Variants in MLLT10 observed in about 807,000 individuals in gnomAD.
MLLT10 encodes the protein protein AF-10.
A neutral mutation model predicts 129.1 loss-of-function variants in MLLT10; 30 were observed. The observed-to-expected ratio is 0.23, with a 90% CI of 0.17 to 0.32. MLLT10 has a LOEUF of 0.32. Among genes scored for constraint, MLLT10 ranks in the 10% least tolerant of loss-of-function variants. MLLT10 has a pLI of 1.00. For synonymous variants in MLLT10, 490 were observed against 446.4 expected, an observed-to-expected ratio of 1.10 and a Z score of -1.23; for missense variants, 1,119 against 1,268.3, an observed-to-expected ratio of 0.88 and a Z score of 1.79.
At chr10:21,590,710 A>T (rs990177568) in intron 4 of MLLT10, among the ~76,000 whole-genome samples, 1 of 152,044 alleles carries the variant, frequency 6.6e-6, no homozygotes, top group Non-Finnish European at 1.5e-5. Flanking sequence ...GTTATTCCTG[A>T]TGTTGGTGAC....
At chr10:21,595,621 A>T (rs1250189507) in intron 5 of MLLT10, 181 bp downstream of exon 5, 4 of 483,924 alleles carry the variant, frequency 8.3e-6, no homozygotes, top group African/African-American at 5.7e-5. Context: ...CAGGAGTACA[A>T]AGCAAGCAAA....
chr10:21,619,001 C>T (rs1327178343), intron 8 of MLLT10, among the ~76,000 whole-genome samples: 2 of 150,620 alleles, frequency 1.3e-5, no homozygotes, highest in African/African-American at 4.9e-5. Context: ...GCTGTGATTA[C>T]AGGCGTGAGC....
At chr10:21,546,298 G>A (rs910091097) in intron 3 of MLLT10, among the ~76,000 whole-genome samples, 3 of 152,026 alleles carry the variant, frequency 2.0e-5, no homozygotes, top group African/African-American at 7.3e-5. Flanking sequence ...GGCTGGTCTT[G>A]AACTCCTGGG....
intron 3 of MLLT10, among the ~76,000 whole-genome samples, chr10:21,540,358 C>T (rs888669644): frequency 1.3e-5 from 2 of 151,700 alleles, no homozygotes; most frequent in Admixed American, 6.6e-5. Context: ...CCACTGCACT[C>T]CAGCCTGCAC....
In MLLT10 at chr10:21,616,789, G is replaced by A. The variant is rs1019265023; in HGVS notation, c.604-323G>A. Among the ~76,000 whole-genome samples, 7 of 151,384 alleles carry A rather than the reference G, an allele frequency of 4.6e-5. No homozygotes were observed. The East Asian group carries it at 1.2e-3, about 25-fold the overall frequency. ...TAGTCTTGGCACCCTTTTTTAATACGGCATTTTCTCTTTGTATTGAAACTT... is the reference window on the plus strand; with the variant it reads ...TAGTCTTGGCACCCTTTTTTAATACAGCATTTTCTCTTTGTATTGAAACTT... On this transcript the variant is annotated intron_variant, in intron 7 of 22. Transcript: ENST00000307729.
Position 21,742,538 on chromosome 10 carries a change from T to G in MLLT10, c.*555T>G, listed in dbSNP as rs1833808958. On this transcript the variant is annotated 3_prime_UTR_variant, in exon 23 of 23. Coordinates refer to ENST00000307729, the MANE Select transcript of MLLT10 (RefSeq NM_001195626.3). ...TGGCAATCTTTGTTAAAAAAAAATT[T>G]CCTTTCTAATGGGATTTGGCCAATT... The G allele has an allele frequency of 9.2e-6, 2 of 216,234 alleles. No individual in the cohort carries two copies. Among genetic ancestry groups the G allele is most frequent in the African/African-American group, 2.2e-5 (1 of 44,538 alleles). The allele number at this position is 216,234 out of a possible 1,614,324, so 13.4% of individuals were successfully genotyped here.
At chr10:21,589,902 TCCCTTCCCCTTC>T (rs71393911) in intron 4 of MLLT10, among the ~76,000 whole-genome samples, 1 of 151,554 alleles carries the variant, frequency 6.6e-6, no homozygotes, top group African/African-American at 2.4e-5. Context: ...CCTTTCCCTT[TCCCTTCCCCTTC>T]CCCTTCCCCT....
intron 13 of MLLT10, among the ~76,000 whole-genome samples, chr10:21,702,693 G>GT (rs963554725): frequency 1.8e-4 from 27 of 149,004 alleles, no homozygotes; most frequent in East Asian, 3.9e-4. Context: ...CTTTTTTACA[G>GT]TTTTTTTTTT....
intron 8 of MLLT10, among the ~76,000 whole-genome samples, chr10:21,643,780 A>AT (rs1042887532): frequency 6.8e-4 from 103 of 150,906 alleles, no homozygotes; most frequent in African/African-American, 2.4e-3. Flanking sequence ...ATTGTTCAGA[A>AT]TTTTTTTTTT....
chr10:21,735,550 A>G (rs755712942), intron 21 of MLLT10, among the ~76,000 whole-genome samples: 2 of 152,126 alleles, frequency 1.3e-5, no homozygotes, highest in Non-Finnish European at 2.9e-5. Flanking sequence ...TTTGGTTGTG[A>G]TAAATACTGA....
chr10:21,703,052 T>G (rs2055080632), intron 13 of MLLT10, among the ~76,000 whole-genome samples: 1 of 152,146 alleles, frequency 6.6e-6, no homozygotes, highest in Non-Finnish European at 1.5e-5. Flanking sequence ...TTGAGTCCTT[T>G]CTCTTTCTTC....
chr10:21,740,640 C>T (rs2058750168), intron 22 of MLLT10, among the ~76,000 whole-genome samples: 2 of 152,158 alleles, frequency 1.3e-5, no homozygotes, highest in Non-Finnish European at 2.9e-5. Context: ...TGAATATATA[C>T]ATTTTAGGGC....
At chr10:21,732,426 G>T (rs1001122456) in intron 17 of MLLT10, among the ~76,000 whole-genome samples, 1 of 152,158 alleles carries the variant, frequency 6.6e-6, no homozygotes, top group African/African-American at 2.4e-5. Context: ...CCTGCCAGGC[G>T]TCTGATGGCA....
intron 9 of MLLT10, among the ~76,000 whole-genome samples, chr10:21,661,100 T>C (rs1356884871): frequency 6.6e-6 from 1 of 152,202 alleles, no homozygotes; most frequent in Non-Finnish European, 1.5e-5. Context: ...TTTGGATTTA[T>C]GGCCACCTTT....
intron 13 of MLLT10, among the ~76,000 whole-genome samples, chr10:21,701,468 GTGT>G (rs2054906669): frequency 6.6e-6 from 1 of 151,612 alleles, no homozygotes; most frequent in Non-Finnish European, 1.5e-5. Flanking sequence ...AAACTTTTTA[GTGT>G]TGTTTTTGCT....
At chr10:21,617,483 T>TAA (rs2045377642) in intron 8 of MLLT10, among the ~76,000 whole-genome samples, 1 of 152,196 alleles carries the variant, frequency 6.6e-6, no homozygotes, top group Non-Finnish European at 1.5e-5. Flanking sequence ...GCGAAATCTT[T>TAA]AGGTGACTTC....
intron 3 of MLLT10, among the ~76,000 whole-genome samples, chr10:21,564,079 C>T (rs1395884905): frequency 9.2e-5 from 14 of 152,008 alleles, no homozygotes; most frequent in Admixed American, 2.0e-4. Context: ...CCCAAAGTGC[C>T]GGGATTACAG....
chr10:21,628,789 C>T (rs976497365), intron 8 of MLLT10, among the ~76,000 whole-genome samples: 7 of 146,918 alleles, frequency 4.8e-5, no homozygotes, highest in Admixed American at 2.1e-4. Flanking sequence ...CTCTGTCTCC[C>T]AGGCTGGAGT....
chr10:21,595,274 G>A (rs748067301), intron 4 of MLLT10, 57 bp from the exon 5 acceptor site: 58 of 1,275,152 alleles, frequency 4.5e-5, no homozygotes, highest in Non-Finnish European at 6.0e-5. Context: ...GGAAGTTAAC[G>A]GTGTTAATTT....
Sources: gnomAD v4.1 joint callset for allele counts (sites outside exome capture counted in the v4.1 genomes callset) on GRCh38, gnomAD v4.1.1 for gene constraint, MANE v1.5 for transcripts, NCBI Gene and HGNC (gene_info 2026-07-23, HGNC 2026-07-21) for gene names.